The following GRAMD4 variants were observed in gnomAD, a reference collection of about 807,000 sequenced individuals.
GRAMD4 encodes GRAM domain containing 4.
A neutral mutation model predicts 83.9 loss-of-function variants in GRAMD4; 25 were observed. The observed-to-expected ratio is 0.30, with a 90% CI of 0.22 to 0.42. The LOEUF (loss-of-function observed/expected upper bound fraction) is 0.42. GRAMD4 is among the 10% of genes least tolerant of loss of function. The probability of loss-of-function intolerance (pLI) is 1.00; values close to 1 mark genes in which losing one functional copy is unlikely to be tolerated. For missense variants in GRAMD4, 593 were observed against 788.7 expected, an observed-to-expected ratio of 0.75 and a Z score of 2.97; for synonymous variants, 336 against 320.9, an observed-to-expected ratio of 1.05 and a Z score of -0.50.
At chr22:46,579,789 C>T (rs1383752057) in intron 1 of GRAMD4, among the ~76,000 whole-genome samples, 1 of 152,186 alleles carries the variant, frequency 6.6e-6, no homozygotes, top group Non-Finnish European at 1.5e-5. Context: ...CATGACAGGG[C>T]TCCGGCCAGG....
chr22:46,588,715 C>T (rs60068248), intron 1 of GRAMD4, among the ~76,000 whole-genome samples: 1,544 of 134,310 alleles, frequency 0.011, 30 homozygotes, highest in African/African-American at 0.048. Flanking sequence ...GGAGCCCCAG[C>T]ACCGCCCTCT....
At position 46,648,927 on chromosome 22, in the gene GRAMD4, G is replaced by GATGC. The variant is rs1569288631; in HGVS notation, c.284-9257_284-9256insCATG. Reference sequence around the variant, plus strand: ...GGATGGATGGATGGATGGATGGATGGATGGATGCATGGATGGATGGATGGA... The same window carrying GATGC: ...GGATGGATGGATGGATGGATGGATGGATGCATGGATGCATGGATGGATGGATGGA... On this transcript the variant is annotated intron_variant, in intron 3 of 18. Coordinates refer to ENST00000406902, the MANE Select transcript of GRAMD4 (RefSeq NM_015124.5). 2.0e-4 allele frequency among the ~76,000 whole-genome samples: 22 copies of GATGC among 107,718 alleles called. 2 individuals are homozygous for GATGC. Among genetic ancestry groups the GATGC allele is most frequent in the African/African-American group, 7.2e-4 (16 of 22,284 alleles). The allele number at this position is 107,718 out of a possible 152,430, so 70.7% of individuals were successfully genotyped here.
chr22:46,676,716 G>A (rs376856260), intron 18 of GRAMD4, 48 bp downstream of exon 18: 1 of 1,502,056 alleles, frequency 6.7e-7, no homozygotes, highest in South Asian at 1.2e-5. Flanking sequence ...GGGCCCAGGG[G>A]CCTGACTCTG....
At chr22:46,618,759 G>A (rs1276061144), upstream of GRAMD4, among the ~76,000 whole-genome samples, 2 of 136,956 alleles carry the variant, frequency 1.5e-5, no homozygotes, top group East Asian at 3.9e-4. This position sits in a 1 kb window ranked among gnomAD's most constrained non-coding sequence, Gnocchi z 5.8. Context: ...GGGAGAGGTG[G>A]ACAGATGTGC....
intron 9 of GRAMD4, among the ~76,000 whole-genome samples, chr22:46,666,160 T>C (rs1222886644): frequency 6.6e-6 from 1 of 152,170 alleles, no homozygotes; most frequent in Non-Finnish European, 1.5e-5. Context: ...ACCCCAACCC[T>C]GGCCTGAGTC....
intron 1 of GRAMD4, among the ~76,000 whole-genome samples, chr22:46,624,003 G>A (rs9616081): frequency 0.27 from 41,708 of 151,738 alleles, 5,988 homozygotes; most frequent in East Asian, 0.37. Flanking sequence ...GCTGGTCTCA[G>A]ACTCCTGACC....
chr22:46,619,085 G>T (rs1043117480), upstream of GRAMD4, among the ~76,000 whole-genome samples: 1 of 152,360 alleles, frequency 6.6e-6, no homozygotes, highest in East Asian at 1.9e-4. Context: ...TGAATCCAGG[G>T]AGGGGATGAA....
At chr22:46,635,947 G>A (rs2081880001) in intron 2 of GRAMD4, among the ~76,000 whole-genome samples, 1 of 152,198 alleles carries the variant, frequency 6.6e-6, no homozygotes, top group African/African-American at 2.4e-5. Context: ...TTTGCAGTGT[G>A]CCTCCTCCTG....
chr22:46,614,320 T>C lies in GRAMD4; in HGVS notation c.-49-12431T>C, dbSNP rs75618463. ...GGGCCTCACTTCTCCTTGTGTTGGT[T>C]GTCTAGACTTACCAAACTGATGAGG... On this transcript the variant is annotated intron_variant, in intron 1 of 1. Transcript: ENST00000431155. 6.9e-3 allele frequency among the ~76,000 whole-genome samples: 1,049 copies of C among 152,358 alleles called. 4 individuals carry two copies. Among genetic ancestry groups the C allele is most frequent in the Non-Finnish European group, 0.012 (799 of 68,038 alleles).
At chr22:46,665,086 C>T (rs774727178) in intron 8 of GRAMD4, among the ~76,000 whole-genome samples, 28 of 152,374 alleles carry the variant, frequency 1.8e-4, no homozygotes, top group Non-Finnish European at 3.7e-4. Context: ...CTCCCACACG[C>T]TCCTGTGCCA....
intron 1 of GRAMD4, among the ~76,000 whole-genome samples, chr22:46,601,076 G>A (rs1028425345): frequency 2.6e-5 from 4 of 152,126 alleles, no homozygotes; most frequent in Non-Finnish European, 2.9e-5. Context: ...CCTGGGAGGC[G>A]GAGGTTGCAG....
At chr22:46,655,315 G>A (rs1252611445) in intron 3 of GRAMD4, among the ~76,000 whole-genome samples, 1 of 152,172 alleles carries the variant, frequency 6.6e-6, no homozygotes, top group African/African-American at 2.4e-5. Flanking sequence ...CTGGGAAGTT[G>A]GATTCATTGC....
intron 4 of GRAMD4, 40 bp from the exon 5 acceptor site, chr22:46,661,341 A>G: frequency 1.3e-6 from 2 of 1,560,694 alleles, no homozygotes; most frequent in African/African-American, 1.4e-5. Context: ...GGAGTTTGGA[A>G]CTAACAGACC....
At chr22:46,624,889 C>G (rs2081631393) in intron 1 of GRAMD4, among the ~76,000 whole-genome samples, 1 of 139,878 alleles carries the variant, frequency 7.1e-6, no homozygotes, top group African/African-American at 2.7e-5. Flanking sequence ...GAGACAGAGT[C>G]TCGCTCTGTC....
intron 1 of GRAMD4, among the ~76,000 whole-genome samples, chr22:46,588,203 G>T (rs1883192): frequency 6.6e-6 from 1 of 151,462 alleles, no homozygotes; most frequent in African/African-American, 2.4e-5. Flanking sequence ...CATCTGCTTT[G>T]AGAACCTAGG....
intron 1 of GRAMD4, among the ~76,000 whole-genome samples, chr22:46,611,895 G>C (rs1182213860): frequency 1.3e-5 from 2 of 149,448 alleles, no homozygotes; most frequent in African/African-American, 4.9e-5. Flanking sequence ...TACACGGGAG[G>C]CTGAGGCAGG....
In GRAMD4 at chr22:46,677,227, G is replaced by A. The variant is rs761857811; in HGVS notation, c.1713G>A (p.Ala571=). Residue 571 remains alanine, a synonymous_variant, in exon 19 of 19, where the codon GCG becomes GCA. Transcript: ENST00000406902. ...GCCAGTACATCAAGATCACCTCAGC[G>A]GCAGCGTCTGGCGGGGACAGCTAGT... ...ILSQYIKITS[A]AASGGDS 2.1e-5 allele frequency: 34 copies of A among 1,613,474 alleles called. No individual in the cohort carries two copies. The East Asian group carries it at 3.6e-4, about 17-fold the overall frequency.
Position 46,679,155 on chromosome 22 carries a change from C to A in GRAMD4, c.*1904C>A, listed in dbSNP as rs551900893. ...AATGGCCACACCTCTCTCCCCAGGG[C>A]CCGGCAGTGCCCAAGGATGGGTCCG... On this transcript the variant is annotated 3_prime_UTR_variant, in exon 19 of 19. Transcript: ENST00000406902. 3.5e-3 allele frequency: 3,453 copies of A among 985,518 alleles called. 7 individuals carry two copies. Among genetic ancestry groups the A allele is most frequent in the Non-Finnish European group, 3.9e-3 (3,275 of 829,996 alleles). 61.0% of individuals were successfully genotyped at this position (985,518 alleles called of 1,614,324 possible). A position where few individuals can be genotyped will look rare whatever the true frequency, so the allele number is the denominator to read the frequency against.
At chr22:46,657,248 G>A (rs570257244) in intron 3 of GRAMD4, among the ~76,000 whole-genome samples, 27 of 152,338 alleles carry the variant, frequency 1.8e-4, no homozygotes, top group African/African-American at 6.5e-4. Flanking sequence ...GTTCACAGGT[G>A]CCAGCTCTCT....
Sources: gnomAD v4.1 joint callset for allele counts (sites outside exome capture counted in the v4.1 genomes callset) on GRCh38, gnomAD v4.1.1 for gene constraint, Gnocchi (gnomAD v3.1) non-coding constraint, MANE v1.5 for transcripts, NCBI Gene and HGNC (gene_info 2026-07-23, HGNC 2026-07-21) for gene names.